FGF14: variants seen among roughly 807,000 people sequenced by gnomAD.
FGF14 encodes the protein fibroblast growth factor 14.
Under a neutral mutation model 25.5 loss-of-function variants are expected in FGF14, and 5 were observed. The observed-to-expected ratio is 0.20, with a 90% CI of 0.10 to 0.41. The LOEUF is 0.41. Ranked by LOEUF, FGF14 falls within the 10% of genes least tolerant of loss-of-function variation. FGF14 has a pLI of 1.00. For missense variants in FGF14, 222 were observed against 320.1 expected (o/e 0.69, Z 2.34); for synonymous variants, 138 against 118.3 (o/e 1.17, Z -1.08).
rs1045909301 is a variant in FGF14 at position 102,190,280 on chromosome 13, T to C, written c.208+211191A>G. Among the ~76,000 whole-genome samples the C allele has an allele frequency of 3.9e-5, 6 of 152,216 alleles. No homozygotes were observed. In the East Asian group the frequency reaches 7.7e-4, roughly 20 times the overall value. On this transcript the variant is annotated intron_variant, in intron 1 of 4. Coordinates refer to the FGF14 transcript ENST00000376131. ...CATACGCTTTAGGACATAAGTTTTG[T>C]TTACCTGAATCAATTTTTGTGTTTA... is the stretch of plus-strand genomic sequence containing the variant.
At chr13:101,788,949 CAGAGAGAGAGAGAG>C (rs60324795) in intron 3 of FGF14, among the ~76,000 whole-genome samples, 22,342 of 75,352 alleles carry the variant, frequency 0.3, 3,283 homozygotes, top group East Asian at 0.59. Flanking sequence ...GAGAGAGAGA[CAGAGAGAGAGAGAG>C]AGAGAGACAG....
At chr13:102,205,042 A>C (rs1322786013) in intron 1 of FGF14, among the ~76,000 whole-genome samples, 1 of 152,202 alleles carries the variant, frequency 6.6e-6, no homozygotes, top group Non-Finnish European at 1.5e-5. Context: ...CCTTCTCTGC[A>C]CACCTCCACT....
At chr13:102,116,961 G>C (rs2045501205) in intron 1 of FGF14, among the ~76,000 whole-genome samples, 1 of 152,186 alleles carries the variant, frequency 6.6e-6, no homozygotes, top group Non-Finnish European at 1.5e-5. Flanking sequence ...CTTCGCTGCA[G>C]AATGCAGTCT....
intron 1 of FGF14, among the ~76,000 whole-genome samples, chr13:101,888,678 T>C (rs1040227238): frequency 1.3e-5 from 2 of 152,166 alleles, no homozygotes; most frequent in Admixed American, 1.3e-4. Flanking sequence ...TTCTGAAATG[T>C]GTTCATGCAG....
rs563917675 is a variant in FGF14 at position 101,910,073 on chromosome 13, T to TCA, written c.193+6378_193+6379dup. 2.3e-4 allele frequency among the ~76,000 whole-genome samples: 34 copies of TCA among 147,700 alleles called. No homozygotes were observed. In the South Asian group the frequency reaches 6.9e-3, roughly 30 times the overall value. ...ACACATGGACACAGGAAGGGGAACA[T>TCA]CACACACGAGGGCCTGTTGTGGGGT... On this transcript the variant is annotated intron_variant, in intron 1 of 4. Transcript: ENST00000376143.
At chr13:102,199,169 T>C (rs1311560197) in intron 1 of FGF14, among the ~76,000 whole-genome samples, 1 of 152,228 alleles carries the variant, frequency 6.6e-6, no homozygotes, top group Non-Finnish European at 1.5e-5. Flanking sequence ...AAACTGTCCA[T>C]TTAAACTAAA....
At chr13:102,297,984 C>T (rs1356373783) in intron 1 of FGF14, among the ~76,000 whole-genome samples, 2 of 152,018 alleles carry the variant, frequency 1.3e-5, no homozygotes, top group African/African-American at 2.4e-5. Flanking sequence ...AACACATGGC[C>T]GTAATTTTGT....
At chr13:102,387,405 A>T (rs149742201) in intron 1 of FGF14, among the ~76,000 whole-genome samples, 1 of 152,190 alleles carries the variant, frequency 6.6e-6, no homozygotes. Context: ...CATAAAGGTT[A>T]CTAAAACATA....
chr13:102,013,720 GTTTA>G (rs969595012), intron 1 of FGF14, among the ~76,000 whole-genome samples: 5 of 152,110 alleles, frequency 3.3e-5, no homozygotes, highest in East Asian at 1.9e-4. Context: ...TATTTTTCAT[GTTTA>G]TTTGTTTCAT....
intron 1 of FGF14, among the ~76,000 whole-genome samples, chr13:102,111,734 A>T (rs957040816): frequency 6.6e-6 from 1 of 151,066 alleles, no homozygotes; most frequent in Non-Finnish European, 1.5e-5. Flanking sequence ...AAAAAAAAAA[A>T]GATAGTCTCA....
At chr13:102,227,303 A>G (rs779595314) in intron 1 of FGF14, among the ~76,000 whole-genome samples, 12 of 152,074 alleles carry the variant, frequency 7.9e-5, no homozygotes, top group Non-Finnish European at 1.6e-4. Context: ...CCACCTGCCA[A>G]GGGAGATCTA....
intron 1 of FGF14, among the ~76,000 whole-genome samples, chr13:102,313,356 C>G (rs925794295): frequency 6.6e-6 from 1 of 152,212 alleles, no homozygotes; most frequent in African/African-American, 2.4e-5. Context: ...AACTCAGAAA[C>G]TGAGTCTCAC....
At chr13:101,777,157 G>T (rs2039174933) in intron 3 of FGF14, among the ~76,000 whole-genome samples, 1 of 152,146 alleles carries the variant, frequency 6.6e-6, no homozygotes, top group Admixed American at 6.5e-5. Context: ...TCTCAAAGGG[G>T]ATGGTATTAG....
At chr13:101,978,560 T>C (rs527973299) in intron 1 of FGF14, among the ~76,000 whole-genome samples, 1 of 152,314 alleles carries the variant, frequency 6.6e-6, no homozygotes, top group East Asian at 1.9e-4. Context: ...AAGAGATAGC[T>C]TTAAATTAAA....
At chr13:102,059,213 C>T (rs1288108701) in intron 1 of FGF14, among the ~76,000 whole-genome samples, 1 of 152,184 alleles carries the variant, frequency 6.6e-6, no homozygotes, top group Non-Finnish European at 1.5e-5. Flanking sequence ...TGGAAGGACA[C>T]ATTGTCACAT....
At chr13:101,806,609 G>C (rs1217875846) in intron 3 of FGF14, among the ~76,000 whole-genome samples, 1 of 151,926 alleles carries the variant, frequency 6.6e-6, no homozygotes, top group Non-Finnish European at 1.5e-5. Context: ...ATGAAAAAGG[G>C]ACACAGCTTT....
At chr13:102,059,982 C>G (rs773128580) in intron 1 of FGF14, among the ~76,000 whole-genome samples, 1 of 151,784 alleles carries the variant, frequency 6.6e-6, no homozygotes, top group Non-Finnish European at 1.5e-5. Flanking sequence ...AAATACAGAC[C>G]GGCATTCCTA....
chr13:102,328,353 T>A (rs1196358041), intron 1 of FGF14, among the ~76,000 whole-genome samples: 1 of 152,236 alleles, frequency 6.6e-6, no homozygotes, highest in Non-Finnish European at 1.5e-5. Flanking sequence ...GCTATAAAAT[T>A]CTGTGAGTGG....
chr13:101,862,000 C>T (rs1195835540), intron 3 of FGF14, among the ~76,000 whole-genome samples: 1 of 152,050 alleles, frequency 6.6e-6, no homozygotes, highest in Non-Finnish European at 1.5e-5. Context: ...ACAGCCATCA[C>T]TCTAGAAGAG....
Sources: gnomAD v4.1 joint callset for allele counts (sites outside exome capture counted in the v4.1 genomes callset) on GRCh38, gnomAD v4.1.1 for gene constraint, MANE v1.5 for transcripts, NCBI Gene and HGNC (gene_info 2026-07-23, HGNC 2026-07-21) for gene names.